Variants in CLEC4F observed in about 807,000 individuals in gnomAD.
CLEC4F encodes C-type lectin domain family 4 member F, also known as C-type (calcium dependent, carbohydrate-recognition domain) lectin, superfamily member 13.
CLEC4F carries 45 observed loss-of-function variants against 53.4 expected under a neutral mutation model. That is an observed-to-expected ratio of 0.84 (90% CI 0.66 to 1.08). The LOEUF is 1.08. Ranked by LOEUF, CLEC4F falls within the 50% of genes least tolerant of loss-of-function variation. The probability of loss-of-function intolerance (pLI) is 0.00; values close to 1 mark genes in which losing one functional copy is unlikely to be tolerated. For missense variants in CLEC4F, 753 were observed against 698.2 expected (o/e 1.08, Z -0.88); for synonymous variants, 245 against 257.5 (o/e 0.95, Z 0.46).
In CLEC4F at chr2:70,819,787, G is replaced by T; in HGVS notation, c.166C>A (p.Leu56Ile). The T allele has an allele frequency of 6.3e-7, 1 of 1,596,400 alleles. No homozygotes were observed. The change falls in exon 2 of 7, where the codon CTC becomes ATC. Residue 56 changes from leucine to isoleucine, a missense_variant. Physicochemically the swap from Leu to Ile is conservative, Grantham distance 5 (BLOSUM62 2). Transcript: ENST00000272367. The part of the protein sequence containing the change: ...AVTLVFSLVT[L>I]FVVVQQQTRP... ...CCTGGGGGCTTACCCACTACAAAGA[G>T]AGTCACAAGAGAGAAGACCAAGGTC... is the stretch of plus-strand genomic sequence containing the variant.
rs371647928 is a variant in CLEC4F at position 70,816,262 on chromosome 2, A to G, written c.1119T>C (p.Asn373=). 3.1e-6 allele frequency: 5 copies of G among 1,614,224 alleles called. No homozygotes were observed. Among genetic ancestry groups the G allele is most frequent in the Non-Finnish European group, 2.5e-6 (3 of 1,180,042 alleles). ...KSEMENVNTL[N]AQIQVLNGHM... ...GACCATTTAAGACCTGAATCTGGGC[A>G]TTTAAGGTATTCACATTTTCCATCT... is the stretch of plus-strand genomic sequence containing the variant. Residue 373 remains asparagine (N), a synonymous_variant, in exon 4 of 7, where the codon AAT becomes AAC. Transcript: ENST00000272367.
chr2:70,809,881 T>A (rs782411904), intron 5 of CLEC4F, 24 bp from the exon 6 acceptor site: 1 of 1,561,096 alleles, frequency 6.4e-7, no homozygotes, highest in Non-Finnish European at 8.8e-7. Context: ...GCAGTGTCAG[T>A]TTGCCCCTGT....
At position 70,812,447 on chromosome 2, in the gene CLEC4F, C is replaced by G. The variant is rs1309258626; in HGVS notation, c.1539G>C (p.Gln513His). ...AACACCCCATGCTCGCAGCTCTGAC[C>G]TGCTCCTCCTTGGAGGCCACAGATG... ...HLASVASKEEQAFLVEFTSKV... is the reference protein window; with the variant it reads ...HLASVASKEEHAFLVEFTSKV... Residue 513 changes from glutamine (Q) to histidine (H), a missense_variant and splice_region_variant, in exon 5 of 7, where the codon CAG (glutamine) becomes CAC (histidine). By Grantham distance (24) the Gln-to-His change is conservative. Transcript: ENST00000272367. 6.2e-7 allele frequency: 1 copy of G among 1,613,952 alleles called. No homozygotes were observed. Among genetic ancestry groups the G allele is most frequent in the Non-Finnish European group, 8.5e-7 (1 of 1,179,992 alleles).
chr2:70,819,553 A>G, intron 2 of CLEC4F, 109 bp from the exon 3 acceptor site: 2 of 1,068,410 alleles, frequency 1.9e-6, no homozygotes, highest in South Asian at 1.3e-5. Context: ...AGCAGCAAAG[A>G]CCCTCCCAGG....
upstream of CLEC4F, among the ~76,000 whole-genome samples, chr2:70,825,217 T>C (rs1289117857): frequency 6.6e-6 from 1 of 152,102 alleles, no homozygotes; most frequent in Non-Finnish European, 1.5e-5. Flanking sequence ...AGTGGGCTCC[T>C]CAAAACTGTC....
rs201203833 is a variant in CLEC4F, at chr2:70,820,401, G to GGGC, written c.61+59_61+61dup. 11,268 of 1,463,498 alleles carry GGGC rather than the reference G, an allele frequency of 7.7e-3. 65 individuals are homozygous for GGGC. Among genetic ancestry groups the GGGC allele is most frequent in the Non-Finnish European group, 9.4e-3 (10,086 of 1,072,062 alleles). 90.7% of individuals were successfully genotyped at this position (1,463,498 alleles called of 1,614,324 possible). The stretch of plus-strand genomic sequence containing the variant: ...CAGCAATAAGCTGCCTTATGGCAGA[G>GGGC]GGCCAAAGGACAGGCAGGCTACTCC... On this transcript the variant is annotated intron_variant, in intron 1 of 6. Transcript: ENST00000272367.
chr2:70,813,511 TTTTCTTTC>T (rs145244559), intron 4 of CLEC4F, among the ~76,000 whole-genome samples: 91 of 144,862 alleles, frequency 6.3e-4, no homozygotes, highest in South Asian at 1.6e-3. Context: ...TCTTTCTTTC[TTTTCTTTC>T]TTTCTTTCTT....
In CLEC4F at chr2:70,816,991, A is replaced by C; in HGVS notation, c.390T>G (p.Asn130Lys). The change falls in exon 4 of 7, where the codon AAT becomes AAG. Residue 130 changes from asparagine to lysine, a missense_variant. Coordinates refer to ENST00000272367, the MANE Select transcript of CLEC4F (RefSeq NM_173535.3). ...CGAGCACCTGGAGCTGCGAATTGAC[A>C]TTGTCCACTCTGCACTTCAACATCT... ...EIQMLKCRVD[N>K]VNSQLQVLGD... 1 of 1,614,114 alleles carries C rather than the reference A, an allele frequency of 6.2e-7. No individual in the cohort carries two copies. Among genetic ancestry groups the C allele is most frequent in the Non-Finnish European group, 8.5e-7 (1 of 1,180,010 alleles).
At chr2:70,810,994 C>T (rs558703229) in intron 5 of CLEC4F, 26 of 588,296 alleles carry the variant, frequency 4.4e-5, no homozygotes, top group East Asian at 8.7e-5. Context: ...GTAAATTCTA[C>T]GGCATACTGA....
upstream of CLEC4F, among the ~76,000 whole-genome samples, chr2:70,821,308 A>G (rs541400613): frequency 6.6e-6 from 1 of 152,262 alleles, no homozygotes; most frequent in East Asian, 1.9e-4. Context: ...GTTTATGCTA[A>G]TGAGGTGACA....
chr2:70,821,019 C>T (rs1445176504), upstream of CLEC4F, among the ~76,000 whole-genome samples: 1 of 152,148 alleles, frequency 6.6e-6, no homozygotes, highest in Admixed American at 6.5e-5. Context: ...TGACCAGCCA[C>T]TTGGGGACTC....
chr2:70,824,837 T>C (rs1677310133), upstream of CLEC4F, among the ~76,000 whole-genome samples: 1 of 152,174 alleles, frequency 6.6e-6, no homozygotes, highest in Non-Finnish European at 1.5e-5. Flanking sequence ...AACAAATAGA[T>C]AAGTCTCTAG....
chr2:70,811,425 G>A lies in CLEC4F; in HGVS notation c.1539+1022C>T, dbSNP rs980670948. 6.4e-6 allele frequency: 4 copies of A among 625,784 alleles called. No individual in the cohort carries two copies. In the East Asian group the frequency reaches 1.6e-4, roughly 26 times the overall value. The allele number at this position is 625,784 out of a possible 1,614,324, so 38.8% of individuals were successfully genotyped here. A position where few individuals can be genotyped will look rare whatever the true frequency, so the allele number is the denominator to read the frequency against. On this transcript the variant is annotated intron_variant, in intron 5 of 6. Transcript: ENST00000272367. ...CCAATTATAGATATCCTGTGCCTTG[G>A]TGCCCTGCCTGTTCTGCCTCAGCAC...
intron 4 of CLEC4F, among the ~76,000 whole-genome samples, chr2:70,813,687 C>A (rs1381125007): frequency 7.2e-6 from 1 of 139,130 alleles, no homozygotes; most frequent in Admixed American, 7.6e-5. Context: ...TCCTTTCTTT[C>A]TTTTTTTGAG....
In CLEC4F at chr2:70,819,784, A is replaced by C; in HGVS notation, c.169T>G (p.Phe57Val). The C allele has an allele frequency of 1.3e-6, 2 of 1,593,868 alleles. No individual in the cohort carries two copies. The highest frequency in any genetic ancestry group is 1.7e-6 in the Non-Finnish European group (2 of 1,171,278). Residue 57 changes from phenylalanine to valine, a missense_variant, in exon 2 of 7, where the codon TTT becomes GTT. Phe to Val is a conservative substitution (Grantham distance 50). Coordinates refer to ENST00000272367, the MANE Select transcript of CLEC4F (RefSeq NM_173535.3). ...TCACCTGGGGGCTTACCCACTACAA[A>C]GAGAGTCACAAGAGAGAAGACCAAG... ...VTLVFSLVTL[F>V]VVVQQQTRPV...
At chr2:70,809,531 C>T (rs59721134) in intron 6 of CLEC4F, 149 bp from the exon 7 acceptor site, 60 of 873,432 alleles carry the variant, frequency 6.9e-5, no homozygotes, top group Admixed American at 7.3e-5. Context: ...ACACATCACA[C>T]ACATACCACA....
rs1444063498 is a variant in CLEC4F at position 70,816,358 on chromosome 2, G to A, written c.1023C>T (p.Val341=). The part of the protein sequence containing the change: ...IHVLKRDLKM[V]TAQTQKANGR... Reference sequence around the variant, plus strand: ...CATTTGCTTTTTGGGTCTGGGCTGTGACCATTTTCAAATCCCTTTTTAACA... The same window carrying A: ...CATTTGCTTTTTGGGTCTGGGCTGTAACCATTTTCAAATCCCTTTTTAACA... The change falls in exon 4 of 7, where the codon GTC becomes GTT. Residue 341 remains valine, a synonymous_variant. Coordinates refer to ENST00000272367, the MANE Select transcript of CLEC4F (RefSeq NM_173535.3). The A allele has an allele frequency of 1.2e-6, 2 of 1,613,884 alleles. No individual in the cohort carries two copies. Among genetic ancestry groups the A allele is most frequent in the Admixed American group, 1.7e-5 (1 of 59,958 alleles).
upstream of CLEC4F, among the ~76,000 whole-genome samples, chr2:70,821,159 T>A (rs1490061338): frequency 6.6e-6 from 1 of 152,190 alleles, no homozygotes; most frequent in Non-Finnish European, 1.5e-5. Context: ...CCCCTGCAGA[T>A]ACCAAGGGAC....
rs782677274 is a variant in CLEC4F at position 70,816,753 on chromosome 2, T to C, written c.628A>G (p.Ile210Val). ...FLKSSLENTS[I>V]ELHVLSRGLE... Reference sequence around the variant, plus strand: ...CCTCTGCTTAGCACGTGGAGCTCAATGCTGGTGTTTTCTAAACTGCTTTTT... The same window carrying C: ...CCTCTGCTTAGCACGTGGAGCTCAACGCTGGTGTTTTCTAAACTGCTTTTT... The change falls in exon 4 of 7, where the codon ATT (isoleucine) becomes GTT (valine). Residue 210 changes from isoleucine (I) to valine (V), a missense_variant. Coordinates refer to ENST00000272367, the MANE Select transcript of CLEC4F (RefSeq NM_173535.3). The C allele has an allele frequency of 5.6e-6, 9 of 1,614,212 alleles. No individual in the cohort carries two copies. Among genetic ancestry groups the C allele is most frequent in the African/African-American group, 1.3e-5 (1 of 75,054 alleles).
Sources: allele counts gnomAD v4.1 joint callset (sites outside exome capture counted in the v4.1 genomes callset), GRCh38; gene constraint gnomAD v4.1.1; transcripts MANE v1.5; gene names NCBI Gene and HGNC (gene_info 2026-07-23, HGNC 2026-07-21).